The following TRMT44 variants were observed in gnomAD, a reference collection of about 807,000 sequenced individuals.
TRMT44 encodes tRNA methyltransferase 44 homolog.
TRMT44 carries 78 observed loss-of-function variants against 77.3 expected under a neutral mutation model. The ratio of observed to expected loss-of-function variants is 1.01; its 90% confidence interval spans 0.84 to 1.22. The LOEUF (loss-of-function observed/expected upper bound fraction) is 1.22. Among genes scored for constraint, TRMT44 ranks in the 50% most tolerant of loss-of-function variants. TRMT44 has a pLI of 0.00. For synonymous variants in TRMT44, 391 were observed against 383.3 expected (o/e 1.02, Z -0.23); for missense variants, 1,090 against 964.4 (o/e 1.13, Z -1.73).
At chr4:8,468,467 A>G in intron 9 of TRMT44, 121 bp downstream of exon 9, 4 of 1,031,142 alleles carry the variant, frequency 3.9e-6, no homozygotes, top group Non-Finnish European at 5.9e-6. Context: ...TGAAAAAGCC[A>G]TTGATGGTGG....
At chr4:8,489,116 G>C (rs989995663) in intron 2 of TRMT44, among the ~76,000 whole-genome samples, 1 of 152,252 alleles carries the variant, frequency 6.6e-6, no homozygotes, top group Non-Finnish European at 1.5e-5. Context: ...TCTTGGAAGA[G>C]GAGTGGGCTA....
downstream of TRMT44, among the ~76,000 whole-genome samples, chr4:8,479,775 T>C (rs1727555403): frequency 6.6e-6 from 1 of 152,214 alleles, no homozygotes; most frequent in African/African-American, 2.4e-5. Context: ...ACTTGAGCTT[T>C]TTTCTAACTT....
At chr4:8,476,847 C>T (rs1171983887), downstream of TRMT44, 4 of 152,214 alleles carry the variant, frequency 2.6e-5, no homozygotes, top group Non-Finnish European at 4.4e-5. Flanking sequence ...GGGCTCAAGC[C>T]ATCCTTCTGC....
Position 8,465,527 on chromosome 4 carries a change from A to C in TRMT44, c.1460A>C (p.Asp487Ala), listed in dbSNP as rs375168963. The C allele has an allele frequency of 5.8e-5, 93 of 1,613,840 alleles. No individual in the cohort carries two copies. Among genetic ancestry groups the C allele is most frequent in the African/African-American group, 3.1e-4 (23 of 75,024 alleles). The change falls in exon 8 of 11, where the codon GAC (aspartate) becomes GCC (alanine). Residue 487 changes from aspartate to alanine, a missense_variant. Coordinates refer to ENST00000389737, the MANE Select transcript of TRMT44 (RefSeq NM_152544.3). ...GGCTTCACCTGTGGGTTTCACGTGG[A>C]CGAAGACTGCCTCAGGATTCCTTCA... is the stretch of plus-strand genomic sequence containing the variant. Reference protein sequence around the residue: ...EVGFTCGFHVDEDCLRIPSTK... With the variant: ...EVGFTCGFHVAEDCLRIPSTK...
chr4:8,486,214 C>T lies in TRMT44; in HGVS notation n.3891+6681C>T, dbSNP rs538478390. The stretch of plus-strand genomic sequence containing the variant: ...ATCTCGGGCTGCGGGCATTCCTTGG[C>T]CTGGTGGCCAGATTTCTGGCACTTG... On this transcript the variant is annotated intron_variant and non_coding_transcript_variant, in intron 2 of 2. Transcript: ENST00000511366. Among the ~76,000 whole-genome samples the T allele has an allele frequency of 7.9e-5, 12 of 152,250 alleles. No individual in the cohort carries two copies. In the East Asian group the frequency reaches 2.3e-3, roughly 29 times the overall value.
chr4:8,514,096 G>T, the TRMT44 span, among the ~76,000 whole-genome samples: 1 of 152,178 alleles, frequency 6.6e-6, no homozygotes, highest in Admixed American at 6.5e-5. Flanking sequence ...CCATGCACCC[G>T]TCCATAGGGA....
intron 2 of TRMT44, among the ~76,000 whole-genome samples, chr4:8,490,158 T>G (rs2688233): frequency 6.6e-6 from 1 of 151,962 alleles, no homozygotes; most frequent in Non-Finnish European, 1.5e-5. Context: ...CACCCGTTCC[T>G]TGGCCACCCC....
intron 2 of TRMT44, among the ~76,000 whole-genome samples, chr4:8,491,136 TAC>T (rs1462036046): frequency 1.3e-5 from 2 of 151,886 alleles, no homozygotes; most frequent in African/African-American, 4.8e-5. Context: ...AGCAGCTAGA[TAC>T]AGAGTGTCCG....
intron 1 of TRMT44, among the ~76,000 whole-genome samples, chr4:8,445,205 T>C (rs1724984704): frequency 6.6e-6 from 1 of 152,258 alleles, no homozygotes; most frequent in Admixed American, 6.5e-5. Flanking sequence ...TTTCTTAGTC[T>C]GGTCTCTAAC....
rs960976192 is a variant in TRMT44 at position 8,452,376 on chromosome 4, C to T, written c.1023+348C>T. Among the ~76,000 whole-genome samples, 1 of 152,204 alleles carries T rather than the reference C, an allele frequency of 6.6e-6. No homozygotes were observed. The highest frequency in any genetic ancestry group is 1.5e-5 in the Non-Finnish European group (1 of 68,042). ...CTTCTAGCCCTTTCCTCAGCTGGCT[C>T]GCTAGCTGGCTACATTTGGACATGC... is the stretch of plus-strand genomic sequence containing the variant. On this transcript the variant is annotated intron_variant, in intron 4 of 10. Coordinates refer to ENST00000389737, the MANE Select transcript of TRMT44 (RefSeq NM_152544.3). This position sits in a 1 kb window ranked among gnomAD's most constrained non-coding sequence, Gnocchi z 5.7.
chr4:8,509,741 T>A, the TRMT44 span: 3 of 152,536 alleles, frequency 2.0e-5, no homozygotes, highest in Non-Finnish European at 4.4e-5. Context: ...GAGGAGGCCC[T>A]TGTTTGCTGC....
intron 3 of TRMT44, among the ~76,000 whole-genome samples, chr4:8,450,729 C>A (rs930976205): frequency 3.3e-5 from 5 of 150,670 alleles, no homozygotes. Context: ...AAGCTACTTA[C>A]TATTCTTCCT....
At chr4:8,502,258 G>A in the TRMT44 span, among the ~76,000 whole-genome samples, 100 of 152,344 alleles carry the variant, frequency 6.6e-4, no homozygotes, top group African/African-American at 2.1e-3. Context: ...ACAGGCAGCC[G>A]CCATGAAATA....
downstream of TRMT44, among the ~76,000 whole-genome samples, chr4:8,493,838 T>G (rs1728082284): frequency 6.6e-6 from 1 of 151,978 alleles, no homozygotes; most frequent in Non-Finnish European, 1.5e-5. Context: ...CCTGCCTGCC[T>G]GGCGAGCATA....
chr4:8,499,317 C>T, the TRMT44 span, among the ~76,000 whole-genome samples: 1 of 152,112 alleles, frequency 6.6e-6, no homozygotes, highest in Non-Finnish European at 1.5e-5. Context: ...CTAAAGGTGA[C>T]CCCAGCCCCT....
At chr4:8,514,937 C>T in the TRMT44 span, among the ~76,000 whole-genome samples, 1 of 152,162 alleles carries the variant, frequency 6.6e-6, no homozygotes, top group Non-Finnish European at 1.5e-5. Context: ...GTGCACTGGG[C>T]ACTTGGCGGG....
At position 8,441,414 on chromosome 4, in the gene TRMT44, A is replaced by T. The variant is rs1233038793; in HGVS notation, c.592A>T (p.Thr198Ser). 6.6e-7 allele frequency: 1 copy of T among 1,521,374 alleles called. No individual in the cohort carries two copies. The highest frequency in any genetic ancestry group is 8.8e-7 in the Non-Finnish European group (1 of 1,136,040). 94.2% of individuals were successfully genotyped at this position (1,521,374 alleles called of 1,614,324 possible). A position where few individuals can be genotyped will look rare whatever the true frequency, so the allele number is the denominator to read the frequency against. ...AACTAGCCCACATTGCCCCCTTACA[A>T]CTCCCAGGAGGGAAATAGTCGTGCA... ...PKTSPHCPLT[T>S]PRREIVVQDV... The change falls in exon 1 of 11, where the codon ACT becomes TCT. Residue 198 changes from threonine to serine, a missense_variant. Physicochemically the swap from Thr to Ser is moderately conservative, Grantham distance 58. Coordinates refer to ENST00000389737, the MANE Select transcript of TRMT44 (RefSeq NM_152544.3).
At chr4:8,481,662 C>T (rs1224129887) in intron 2 of TRMT44, among the ~76,000 whole-genome samples, 2 of 152,170 alleles carry the variant, frequency 1.3e-5, no homozygotes, top group African/African-American at 4.8e-5. Context: ...TCTCTTTATG[C>T]TTTTTTACTT....
At chr4:8,508,684 G>C in the TRMT44 span, 1 of 152,268 alleles carries the variant, frequency 6.6e-6, no homozygotes, top group Non-Finnish European at 1.5e-5. Flanking sequence ...TGAGGTGCTG[G>C]CTTCTGCACC....
Sources: gnomAD v4.1 joint callset for allele counts (sites outside exome capture counted in the v4.1 genomes callset) on GRCh38, gnomAD v4.1.1 for gene constraint, Gnocchi (gnomAD v3.1) non-coding constraint, MANE v1.5 for transcripts, NCBI Gene and HGNC (gene_info 2026-07-23, HGNC 2026-07-21) for gene names.